LRP1B: variants seen among roughly 807,000 people sequenced by gnomAD.
LRP1B encodes the protein low-density lipoprotein receptor-related protein 1B.
Under a neutral mutation model 556.6 loss-of-function variants are expected in LRP1B, and 217 were observed. The observed-to-expected ratio is 0.39, with a 90% CI of 0.35 to 0.44. LRP1B has a LOEUF of 0.44. LRP1B is among the 20% of genes least tolerant of loss of function. LRP1B has a pLI of 1.00. For synonymous variants in LRP1B, 2,047 were observed against 1,865.8 expected (o/e 1.10, Z -2.50); for missense variants, 5,053 against 5,620.8 (o/e 0.90, Z 3.23).
At chr2:142,006,059 G>A (rs923604945) in intron 1 of LRP1B, among the ~76,000 whole-genome samples, 3 of 152,184 alleles carry the variant, frequency 2.0e-5, no homozygotes, top group African/African-American at 7.2e-5. Flanking sequence ...AAAATTGTTT[G>A]AAGTATTTGT....
At chr2:140,768,743 A>G (rs971899890) in intron 35 of LRP1B, among the ~76,000 whole-genome samples, 1 of 151,962 alleles carries the variant, frequency 6.6e-6, no homozygotes, top group Admixed American at 6.6e-5. Context: ...ACTATATTCA[A>G]CAATAATTTT....
chr2:140,867,614 A>G lies in LRP1B; in HGVS notation c.4555T>C (p.Tyr1519His). Reference sequence around the variant, plus strand: ...CCCTGTGGCTGGCGACTGGGATGGTATATCTGAAGGTCAAATGGCTGTGCA... The same window carrying G: ...CCCTGTGGCTGGCGACTGGGATGGTGTATCTGAAGGTCAAATGGCTGTGCA... ...TSAQPFDLQI[Y>H]HPSRQPQAPN... Residue 1519 changes from tyrosine (Y) to histidine (H), a missense_variant, in exon 27 of 91, where the codon TAC (tyrosine) becomes CAC (histidine). By Grantham distance (83) the Tyr-to-His change is moderately conservative. Transcript: ENST00000389484. 1.2e-6 allele frequency: 2 copies of G among 1,613,044 alleles called. No individual in the cohort carries two copies. Among genetic ancestry groups the G allele is most frequent in the South Asian group, 1.1e-5 (1 of 91,008 alleles).
At chr2:141,651,416 G>A (rs1239500897) in intron 2 of LRP1B, among the ~76,000 whole-genome samples, 3 of 152,102 alleles carry the variant, frequency 2.0e-5, no homozygotes, top group Middle Eastern at 3.2e-3. Flanking sequence ...GTAATCCCAG[G>A]ACTTTGGGAG....
At chr2:141,365,861 G>C (rs1341797693) in intron 3 of LRP1B, among the ~76,000 whole-genome samples, 1 of 151,904 alleles carries the variant, frequency 6.6e-6, no homozygotes, top group African/African-American at 2.4e-5. Context: ...TTTTAGTAGA[G>C]ACGGGGTTTC....
intron 45 of LRP1B, among the ~76,000 whole-genome samples, chr2:140,539,585 C>T (rs17526381): frequency 0.011 from 1,734 of 152,104 alleles, 13 homozygotes; most frequent in Middle Eastern, 0.02. Flanking sequence ...AGGCCTCCAC[C>T]GAACAGAAAT....
At chr2:142,018,165 A>C (rs1703213984) in intron 1 of LRP1B, among the ~76,000 whole-genome samples, 1 of 152,194 alleles carries the variant, frequency 6.6e-6, no homozygotes, top group African/African-American at 2.4e-5. Context: ...GTGTTTTACA[A>C]CAAATTGTTT....
chr2:142,027,303 GT>G (rs142229924), intron 1 of LRP1B, among the ~76,000 whole-genome samples: 9,617 of 147,856 alleles, frequency 0.065, 393 homozygotes, highest in East Asian at 0.17. Flanking sequence ...TTTAGAGGTT[GT>G]TTTTTTTTTC....
At chr2:141,832,748 C>A (rs576009641) in intron 1 of LRP1B, among the ~76,000 whole-genome samples, 13 of 151,660 alleles carry the variant, frequency 8.6e-5, no homozygotes, top group Admixed American at 6.6e-5. Context: ...TCCATGAAAC[C>A]AAGTCAACCT....
intron 3 of LRP1B, among the ~76,000 whole-genome samples, chr2:141,347,368 C>T (rs1017353975): frequency 1.1e-4 from 16 of 152,076 alleles, no homozygotes; most frequent in African/African-American, 3.9e-4. Context: ...CTTTCAAAAA[C>T]AGAGCGGGTA....
At chr2:142,111,180 T>A (rs978628612) in intron 1 of LRP1B, among the ~76,000 whole-genome samples, 9 of 152,100 alleles carry the variant, frequency 5.9e-5, no homozygotes, top group African/African-American at 1.9e-4. Context: ...TAATGCTTAG[T>A]GTGTGTTAGG....
intron 2 of LRP1B, among the ~76,000 whole-genome samples, chr2:141,601,636 T>C (rs1490683655): frequency 2.6e-5 from 4 of 151,342 alleles, no homozygotes; most frequent in African/African-American, 9.7e-5. Flanking sequence ...CCTTCCTTCC[T>C]TCCTTCCTTT....
At chr2:141,900,474 A>C (rs1369626374) in intron 1 of LRP1B, among the ~76,000 whole-genome samples, 3 of 152,016 alleles carry the variant, frequency 2.0e-5, no homozygotes, top group Non-Finnish European at 4.4e-5. Context: ...ACCTGTAATA[A>C]TATTCCACAT....
chr2:141,798,597 C>A (rs184771540), intron 2 of LRP1B, among the ~76,000 whole-genome samples: 20 of 149,138 alleles, frequency 1.3e-4, no homozygotes, highest in Admixed American at 1.3e-3. Context: ...GTCCCAGCTA[C>A]TCGGGAGGCT....
intron 9 of LRP1B, among the ~76,000 whole-genome samples, chr2:141,056,433 A>G (rs929984113): frequency 6.6e-6 from 1 of 151,838 alleles, no homozygotes; most frequent in Non-Finnish European, 1.5e-5. Flanking sequence ...TCTCTGCCCT[A>G]GCTTACATCC....
chr2:140,460,318 C>T (rs1040049481), intron 60 of LRP1B, among the ~76,000 whole-genome samples: 3 of 152,004 alleles, frequency 2.0e-5, no homozygotes, highest in African/African-American at 7.3e-5. Flanking sequence ...TGTAAATTAC[C>T]AAATCTGTAG....
rs1281510444 is a variant in LRP1B, at chr2:140,931,715, A to C, written c.3137-8568T>G. Among the ~76,000 whole-genome samples the C allele has an allele frequency of 3.3e-5, 5 of 152,156 alleles. No individual in the cohort carries two copies. The East Asian group carries it at 9.6e-4, about 29-fold the overall frequency. ...GAAGCAAAATCTACATAAAACATTG[A>C]TTTAGTTAATTAAAATTTTATGTTT... On this transcript the variant is annotated intron_variant, in intron 20 of 90. Transcript: ENST00000389484.
intron 84 of LRP1B, among the ~76,000 whole-genome samples, chr2:140,294,044 A>G (rs935743588): frequency 6.6e-6 from 1 of 152,248 alleles, no homozygotes; most frequent in Non-Finnish European, 1.5e-5. Flanking sequence ...CAATTAAAAC[A>G]TAAGCTAACT....
At chr2:141,186,447 C>G (rs1285927027) in intron 7 of LRP1B, among the ~76,000 whole-genome samples, 1 of 151,940 alleles carries the variant, frequency 6.6e-6, no homozygotes, top group Non-Finnish European at 1.5e-5. Context: ...TCACATCAAT[C>G]CTAACTAAAT....
At chr2:141,597,081 CACAT>C (rs1182784959) in intron 2 of LRP1B, among the ~76,000 whole-genome samples, 3 of 143,634 alleles carry the variant, frequency 2.1e-5, no homozygotes, top group Non-Finnish European at 3.0e-5. Context: ...CACACACACA[CACAT>C]CTGCATTCAT....
Sources: allele counts gnomAD v4.1 joint callset (sites outside exome capture counted in the v4.1 genomes callset), GRCh38; gene constraint gnomAD v4.1.1; transcripts MANE v1.5; gene names NCBI Gene and HGNC (gene_info 2026-07-23, HGNC 2026-07-21).